Variants in RCOR3 observed in about 807,000 individuals in gnomAD.
RCOR3 encodes REST corepressor 3.
In RCOR3, 13 loss-of-function variants were observed where a neutral mutation model predicts 64.1. The observed-to-expected ratio is 0.20, with a 90% CI of 0.13 to 0.32. RCOR3 has a LOEUF of 0.32. RCOR3 is among the 10% of genes least tolerant of loss of function. The pLI is 1.00. For synonymous variants in RCOR3, 215 were observed against 239.0 expected (o/e 0.90, Z 0.93); for missense variants, 489 against 701.2 (o/e 0.70, Z 3.42).
Position 211,295,066 on chromosome 1 carries a change from T to TTTTTTTTTTTG in RCOR3, c.940-609_940-608insTTTTTTTTTGT, listed in dbSNP as rs1553259603. On this transcript the variant is annotated intron_variant, in intron 8 of 11. Transcript: ENST00000419091. ...CTAATTTTTTTTTTTTTTTTTTTTT[T>TTTTTTTTTTTG]TCATAGAGACAGGTTCTCACTATAT... Among the ~76,000 whole-genome samples, 14 of 113,314 alleles carry TTTTTTTTTTTG rather than the reference T, an allele frequency of 1.2e-4. 1 individual carries two copies. Among genetic ancestry groups the TTTTTTTTTTTG allele is most frequent in the Non-Finnish European group, 1.8e-4 (10 of 56,856 alleles). The allele number at this position is 113,314 out of a possible 152,430, so 74.3% of individuals were successfully genotyped here. A position where few individuals can be genotyped will look rare whatever the true frequency, so the allele number is the denominator to read the frequency against.
intron 10 of RCOR3, among the ~76,000 whole-genome samples, chr1:211,311,692 G>A (rs1307492719): frequency 6.6e-6 from 1 of 151,958 alleles, no homozygotes; most frequent in Non-Finnish European, 1.5e-5. Flanking sequence ...TCTTTCATTA[G>A]TGAGTTACTG....
chr1:211,274,524 T>G (rs1696679701), intron 4 of RCOR3, among the ~76,000 whole-genome samples: 1 of 152,108 alleles, frequency 6.6e-6, no homozygotes, highest in African/African-American at 2.4e-5. Flanking sequence ...TCTGGAAGCC[T>G]TCAGTATTCC....
chr1:211,273,660 A>G (rs1231734605), intron 3 of RCOR3, among the ~76,000 whole-genome samples: 1 of 152,218 alleles, frequency 6.6e-6, no homozygotes, highest in East Asian at 1.9e-4. Flanking sequence ...TGAAAGTGGA[A>G]TACTCAAACA....
At chr1:211,282,504 T>G (rs534486344) in intron 7 of RCOR3, among the ~76,000 whole-genome samples, 22 of 132,530 alleles carry the variant, frequency 1.7e-4, no homozygotes, top group East Asian at 1.3e-3. Context: ...GATATTCTTG[T>G]TTTTTTTTTT....
In RCOR3 at chr1:211,312,841, G is replaced by C; in HGVS notation, c.1197G>C (p.Leu399Phe). The C allele has an allele frequency of 6.2e-7, 1 of 1,614,206 alleles. No individual in the cohort carries two copies. The highest frequency in any genetic ancestry group is 1.3e-5 in the African/African-American group (1 of 75,062). The change falls in exon 11 of 12, where the codon TTG (leucine) becomes TTC (phenylalanine). Residue 399 changes from leucine (L) to phenylalanine (F), a missense_variant. Leu to Phe is a conservative substitution (Grantham distance 22). Transcript: ENST00000419091. This position sits in a 1 kb window ranked among gnomAD's most constrained non-coding sequence, Gnocchi z 5.0. ...YRRRFNLEEVLQEWEAEQGTQ... is the reference protein window; with the variant it reads ...YRRRFNLEEVFQEWEAEQGTQ... ...GTCGGTTTAACTTAGAGGAGGTATT[G>C]CAGGAGTGGGAAGCAGAACAAGGAA... is the stretch of plus-strand genomic sequence containing the variant.
At chr1:211,308,698 T>TTTTG (rs1701171863) in intron 10 of RCOR3, among the ~76,000 whole-genome samples, 17 of 40,872 alleles carry the variant, frequency 4.2e-4, no homozygotes, top group African/African-American at 1.2e-3. Context: ...TTTTTTTTTT[T>TTTTG]TGTGTAGTCC....
chr1:211,275,972 A>T (rs1372598371), intron 4 of RCOR3, among the ~76,000 whole-genome samples: 1 of 152,184 alleles, frequency 6.6e-6, no homozygotes, highest in East Asian at 1.9e-4. Flanking sequence ...CTTGGTGTGA[A>T]CCTACAAATC....
chr1:211,286,038 A>G (rs958127306), intron 7 of RCOR3, among the ~76,000 whole-genome samples: 2 of 152,144 alleles, frequency 1.3e-5, no homozygotes, highest in Non-Finnish European at 2.9e-5. Flanking sequence ...TTTACTTTCA[A>G]CATTTCTGTG....
At chr1:211,288,705 T>C (rs2102567612) in intron 7 of RCOR3, among the ~76,000 whole-genome samples, 1 of 151,912 alleles carries the variant, frequency 6.6e-6, no homozygotes, top group South Asian at 2.1e-4. Flanking sequence ...TCAGCAACTG[T>C]AAAGTAAAAA....
Position 211,259,429 on chromosome 1 carries a change from CCTCCTCCTCCTCCGCCGCCGCCGCCGT to C in RCOR3, c.-118_-92del, listed in dbSNP as rs1481195841. ...GGTTATGGCGGCTCCATATTAACAGCCTCCTCCTCCTCCGCCGCCGCCGCCGTCTCCTCCTCCTCCTCCTTTCCCTCC... is the reference window on the plus strand; with the variant it reads ...GGTTATGGCGGCTCCATATTAACAGCCTCCTCCTCCTCCTCCTTTCCCTCC... On this transcript the variant is annotated 5_prime_UTR_variant, in exon 1 of 12. Coordinates refer to ENST00000419091, the MANE Select transcript of RCOR3 (RefSeq NM_001136223.3). The C allele has an allele frequency of 6.1e-5, 53 of 862,320 alleles. No homozygotes were observed. Among genetic ancestry groups the C allele is most frequent in the Middle Eastern group, 3.4e-4 (1 of 2,928 alleles). 53.4% of individuals were successfully genotyped at this position (862,320 alleles called of 1,614,324 possible).
At chr1:211,286,185 C>T (rs1161950081) in intron 7 of RCOR3, among the ~76,000 whole-genome samples, 1 of 152,160 alleles carries the variant, frequency 6.6e-6, no homozygotes, top group Non-Finnish European at 1.5e-5. Flanking sequence ...TTTTTACCTT[C>T]TATTCAACTT....
intron 3 of RCOR3, 109 bp downstream of exon 3, chr1:211,271,418 T>C (rs1696189222): frequency 1.3e-6 from 1 of 790,412 alleles, no homozygotes; most frequent in Non-Finnish European, 2.1e-6. Flanking sequence ...GAAAACAGTT[T>C]TGTCTTTGTT....
chr1:211,308,262 T>C (rs906370607), intron 10 of RCOR3, among the ~76,000 whole-genome samples: 1 of 152,202 alleles, frequency 6.6e-6, no homozygotes, highest in African/African-American at 2.4e-5. Flanking sequence ...TGATTCAAAA[T>C]TTCCAGCATT....
At chr1:211,264,976 T>C (rs1182707067) in intron 2 of RCOR3, among the ~76,000 whole-genome samples, 3 of 152,216 alleles carry the variant, frequency 2.0e-5, no homozygotes, top group African/African-American at 7.2e-5. Flanking sequence ...ATAATAACCT[T>C]GGATGAACTA....
chr1:211,272,282 G>A (rs1696309971), intron 3 of RCOR3, among the ~76,000 whole-genome samples: 1 of 152,208 alleles, frequency 6.6e-6, no homozygotes, highest in African/African-American at 2.4e-5. Flanking sequence ...GAACCTGAAA[G>A]AGACTATTGG....
chr1:211,294,586 C>CTTTTTT (rs35962546), intron 8 of RCOR3, among the ~76,000 whole-genome samples: 83 of 88,018 alleles, frequency 9.4e-4, no homozygotes, highest in South Asian at 1.4e-3. Flanking sequence ...TTCTTTCTTT[C>CTTTTTT]TTTTTTTTTT....
At chr1:211,289,439 G>C (rs748296630) in intron 8 of RCOR3, 43 bp downstream of exon 8, 7 of 1,494,564 alleles carry the variant, frequency 4.7e-6, no homozygotes, top group Non-Finnish European at 5.5e-6. Context: ...TGTGCATTTT[G>C]GCTATCCGCT....
At chr1:211,268,784 A>G (rs1695666878) in intron 2 of RCOR3, among the ~76,000 whole-genome samples, 1 of 152,124 alleles carries the variant, frequency 6.6e-6, no homozygotes, top group Admixed American at 6.5e-5. Context: ...GATATGACAA[A>G]ATACAAAAGG....
intron 8 of RCOR3, among the ~76,000 whole-genome samples, chr1:211,291,176 AT>A (rs1196420730): frequency 3.3e-5 from 5 of 152,094 alleles, no homozygotes; most frequent in Non-Finnish European, 7.4e-5. Flanking sequence ...TATTGTTATA[AT>A]TTTTCTATTT....
Sources: gnomAD v4.1 joint callset for allele counts (sites outside exome capture counted in the v4.1 genomes callset) on GRCh38, gnomAD v4.1.1 for gene constraint, Gnocchi (gnomAD v3.1) non-coding constraint, MANE v1.5 for transcripts, NCBI Gene and HGNC (gene_info 2026-07-23, HGNC 2026-07-21) for gene names.